Variants in LRP4 observed in about 807,000 individuals in gnomAD.
LRP4 encodes the protein low-density lipoprotein receptor-related protein 4.
LRP4 carries 95 observed loss-of-function variants against 220.3 expected under a neutral mutation model. The observed-to-expected ratio is 0.43, with a 90% CI of 0.37 to 0.51. The LOEUF (loss-of-function observed/expected upper bound fraction) is 0.51, where lower values mean the gene tolerates loss of function less well. LRP4 is among the 20% of genes least tolerant of loss of function. The pLI, the probability that LRP4 is intolerant of heterozygous loss-of-function variation, is 0.00. For missense variants in LRP4, 1,925 were observed against 2,567.0 expected, an observed-to-expected ratio of 0.75 and a Z score of 5.40; for synonymous variants, 903 against 954.6, an observed-to-expected ratio of 0.95 and a Z score of 1.00.
rs1941616066 is a variant in LRP4, at chr11:46,899,393, TCTC to T, written c.538_540del (p.Glu180del). On this transcript the variant is annotated inframe_deletion, in exon 5 of 38. Coordinates refer to ENST00000378623, the MANE Select transcript of LRP4 (RefSeq NM_002334.4). This position sits in a 1 kb window ranked among gnomAD's most constrained non-coding sequence, Gnocchi z 5.9. ...GAGGTCTGGGGCCACTCACGACAGT[TCTC>T]CTCATCGGAGCCATCTTTGCAGTCG... is the stretch of plus-strand genomic sequence containing the variant. 2.5e-6 allele frequency: 4 copies of T among 1,613,066 alleles called. No individual in the cohort carries two copies. Among genetic ancestry groups the T allele is most frequent in the South Asian group, 1.1e-5 (1 of 91,046 alleles).
At chr11:46,895,437 C>T (rs1565796742) in intron 10 of LRP4, 146 bp from the exon 11 acceptor site, 12 of 1,142,762 alleles carry the variant, frequency 1.1e-5, no homozygotes, top group South Asian at 6.3e-5. Flanking sequence ...TAAGGGCGGC[C>T]GGGCGTGGTG....
chr11:46,874,819 C>A lies in LRP4; in HGVS notation c.4210G>T (p.Val1404Leu), dbSNP rs777440860. ...SVDGKVYYTD[V>L]FLDVIRRADL... ...TCATACCTGATAACATCCAGGAACA[C>A]ATCTGTGTAATAGACCTTTCCATCC... The change falls in exon 28 of 38, where the codon GTG (valine) becomes TTG (leucine). Residue 1404 changes from valine (V) to leucine (L), a missense_variant. Around this residue, in one of 3 missense-constraint regions of LRP4, gnomAD observed 1,244 missense variants for 1,624.9 expected, o/e 0.77. Transcript: ENST00000378623. 3.1e-6 allele frequency: 5 copies of A among 1,614,028 alleles called. No homozygotes were observed. Among genetic ancestry groups the A allele is most frequent in the Non-Finnish European group, 4.2e-6 (5 of 1,179,882 alleles).
intron 34 of LRP4, among the ~76,000 whole-genome samples, chr11:46,867,214 T>TTG (rs146563510): frequency 6.8e-4 from 102 of 150,968 alleles, no homozygotes; most frequent in African/African-American, 2.0e-3. Flanking sequence ...ATAATGGTGT[T>TTG]TGTGTGTGTG....
intron 7 of LRP4, among the ~76,000 whole-genome samples, chr11:46,897,342 TTTTTTC>T (rs1565798403): frequency 4.4e-4 from 63 of 142,270 alleles, no homozygotes; most frequent in Admixed American, 3.2e-3. Context: ...GTCTTTTTTT[TTTTTTC>T]TTTTTATTTT....
intron 28 of LRP4, chr11:46,874,240 A>G (rs1940950050): frequency 6.2e-6 from 1 of 162,182 alleles, no homozygotes; most frequent in South Asian, 1.7e-4. Flanking sequence ...ATTCTAATAC[A>G]TCCCTTGGGG....
At position 46,918,289 on chromosome 11, in the gene LRP4, C is replaced by T; in HGVS notation, c.52+39G>A. 6.6e-7 allele frequency: 1 copy of T among 1,506,930 alleles called. No individual in the cohort carries two copies. The allele number at this position is 1,506,930 out of a possible 1,614,324, so 93.3% of individuals were successfully genotyped here. ...CCCGGGAGGCGAGTCCTGCAGCGGCCGGACCCAGGGACAAACTTTCCCGGC... is the reference window on the plus strand; with the variant it reads ...CCCGGGAGGCGAGTCCTGCAGCGGCTGGACCCAGGGACAAACTTTCCCGGC... On this transcript the variant is annotated intron_variant, in intron 1 of 37. Transcript: ENST00000378623. The surrounding 1 kb of genome is among the most constrained non-coding windows in gnomAD (Gnocchi z 6.0).
rs1250053876 is a variant in LRP4 at position 46,879,126 on chromosome 11, C to T, written c.3004G>A (p.Val1002Met). The stretch of plus-strand genomic sequence containing the variant: ...CCAATGCGAGCCAAGGGCTGCTCAC[C>T]TGGGGGCCGGCGGCGGTGGAAGACA... ...IHVFHRRRPPVSTPCAMENGG... is the reference protein window; with the variant it reads ...IHVFHRRRPPMSTPCAMENGG... The change falls in exon 21 of 38, where the codon GTG (valine) becomes ATG (methionine). Residue 1002 changes from valine (V) to methionine (M), a missense_variant and splice_region_variant. By Grantham distance (21) the Val-to-Met change is conservative (BLOSUM62 1). Transcript: ENST00000378623. 1.2e-6 allele frequency: 2 copies of T among 1,614,204 alleles called. No homozygotes were observed. The highest frequency in any genetic ancestry group is 1.7e-6 in the Non-Finnish European group (2 of 1,180,024).
chr11:46,918,300 A>G lies in LRP4; in HGVS notation c.52+28T>C. 6.6e-7 allele frequency: 1 copy of G among 1,509,552 alleles called. No individual in the cohort carries two copies. Among genetic ancestry groups the G allele is most frequent in the Non-Finnish European group, 8.8e-7 (1 of 1,134,878 alleles). The allele number at this position is 1,509,552 out of a possible 1,614,324, so 93.5% of individuals were successfully genotyped here. A position where few individuals can be genotyped will look rare whatever the true frequency, so the allele number is the denominator to read the frequency against. On this transcript the variant is annotated intron_variant, in intron 1 of 37. Transcript: ENST00000378623. This position sits in a 1 kb window ranked among gnomAD's most constrained non-coding sequence, Gnocchi z 6.0. Reference sequence around the variant, plus strand: ...AGTCCTGCAGCGGCCGGACCCAGGGACAAACTTTCCCGGCGGGCGCCGCTT... The same window carrying G: ...AGTCCTGCAGCGGCCGGACCCAGGGGCAAACTTTCCCGGCGGGCGCCGCTT...
chr11:46,893,036 C>T lies in LRP4; in HGVS notation c.1634G>A (p.Arg545Gln), dbSNP rs1415827753. The T allele has an allele frequency of 1.2e-5, 20 of 1,614,072 alleles. No homozygotes were observed. The highest frequency in any genetic ancestry group is 1.6e-5 in the Non-Finnish European group (19 of 1,179,988). Residue 545 changes from arginine (R) to glutamine (Q), a missense_variant, in exon 13 of 38, where the codon CGG becomes CAG. Around this residue, in one of 3 missense-constraint regions of LRP4, gnomAD observed 269 missense variants for 436.7 expected, o/e 0.62. Transcript: ENST00000378623. ...IEVANLDGAH[R>Q]KVLLWQNLEK... ...CAGGTTCTGCCACAGCAACACTTTC[C>T]GGTGGGCCCCATCCAGATTGGCCAC...
chr11:46,866,411 A>G (rs1396987614), intron 34 of LRP4, among the ~76,000 whole-genome samples: 1 of 151,654 alleles, frequency 6.6e-6, no homozygotes, highest in Non-Finnish European at 1.5e-5. Context: ...CCTCCCAAGT[A>G]GCTGGGACTA....
rs762496709 is a variant in LRP4 at position 46,894,819 on chromosome 11, C to T, written c.1310G>A (p.Gly437Glu). 2 of 1,613,714 alleles carry T rather than the reference C, an allele frequency of 1.2e-6. No homozygotes were observed. Among genetic ancestry groups the T allele is most frequent in the South Asian group, 2.2e-5 (2 of 91,070 alleles). ...RPDRRSCKAL[G>E]PEPVLLFANR... Reference sequence around the variant, plus strand: ...GGCGAACAGCAGCACAGGCTCTGGCCCTGGGAAACAGTATAAACATGGGAT... The same window carrying T: ...GGCGAACAGCAGCACAGGCTCTGGCTCTGGGAAACAGTATAAACATGGGAT... The change falls in exon 12 of 38, where the codon GGG becomes GAG. Residue 437 changes from glycine to glutamate, a missense_variant and splice_region_variant. Coordinates refer to ENST00000378623, the MANE Select transcript of LRP4 (RefSeq NM_002334.4).
At chr11:46,868,922 A>C (rs1592515961) in intron 32 of LRP4, 66 bp downstream of exon 32, 3 of 1,606,314 alleles carry the variant, frequency 1.9e-6, no homozygotes, top group Non-Finnish European at 2.6e-6. Flanking sequence ...GGTCCCTAAC[A>C]GTCCTTGGGT....
chr11:46,896,116 G>A, intron 9 of LRP4, 94 bp downstream of exon 9: 1 of 1,611,030 alleles, frequency 6.2e-7, no homozygotes, highest in Non-Finnish European at 8.5e-7. Context: ...AGCTCCCAAA[G>A]CTGCAAGAGT....
Position 46,871,572 on chromosome 11 carries a change from G to T in LRP4, c.4645C>A (p.Arg1549=). The change falls in exon 31 of 38, where the codon CGG becomes AGG. Residue 1549 remains arginine (R), a synonymous_variant. Coordinates refer to ENST00000378623, the MANE Select transcript of LRP4 (RefSeq NM_002334.4). ...GACACATGGCTGACCAAGACCTGCC[G>T]CAGTTTCCCATTGAGGTCAGCACTC... ...IESADLNGKL[R]QVLVSHVSHP... The T allele has an allele frequency of 6.2e-7, 1 of 1,613,450 alleles. No homozygotes were observed. Among genetic ancestry groups the T allele is most frequent in the Non-Finnish European group, 8.5e-7 (1 of 1,179,724 alleles).
intron 1 of LRP4, among the ~76,000 whole-genome samples, chr11:46,915,377 C>T (rs1355481816): frequency 6.6e-6 from 1 of 152,206 alleles, no homozygotes; most frequent in South Asian, 2.1e-4. Flanking sequence ...CAATGGTTGT[C>T]ATCCATGCCC....
intron 16 of LRP4, among the ~76,000 whole-genome samples, chr11:46,886,911 A>G (rs1941306748): frequency 6.6e-6 from 1 of 152,076 alleles, no homozygotes; most frequent in African/African-American, 2.4e-5. Context: ...CCTCCACTCC[A>G]TCACCTGGAT....
At chr11:46,903,046 A>G in intron 1 of LRP4, 117 bp from the exon 2 acceptor site, 1 of 1,247,592 alleles carries the variant, frequency 8.0e-7, no homozygotes. Context: ...AGTCACAGTG[A>G]CACTTCAAGG....
chr11:46,877,113 G>T, intron 23 of LRP4, 86 bp downstream of exon 23: 1 of 1,485,058 alleles, frequency 6.7e-7, no homozygotes, highest in Non-Finnish European at 9.4e-7. Flanking sequence ...GCTCTTGGCA[G>T]GAGACAAAGG....
In LRP4 at chr11:46,877,088, G is replaced by A. The variant is rs577411174; in HGVS notation, c.3277+111C>T. The A allele has an allele frequency of 2.4e-5, 31 of 1,287,182 alleles. No individual in the cohort carries two copies. In the East Asian group the frequency reaches 6.9e-4, roughly 29 times the overall value. 79.7% of individuals were successfully genotyped at this position (1,287,182 alleles called of 1,614,324 possible). A position where few individuals can be genotyped will look rare whatever the true frequency, so the allele number is the denominator to read the frequency against. On this transcript the variant is annotated intron_variant, in intron 23 of 37. Coordinates refer to ENST00000378623, the MANE Select transcript of LRP4 (RefSeq NM_002334.4). ...ACAGGGGCTATGCCAGAGGGAATGGGGAACAAACACCCTGGCTCTTGGCAG... is the reference window on the plus strand; with the variant it reads ...ACAGGGGCTATGCCAGAGGGAATGGAGAACAAACACCCTGGCTCTTGGCAG...
Sources: gnomAD v4.1 joint callset for allele counts (sites outside exome capture counted in the v4.1 genomes callset) on GRCh38, gnomAD v4.1.1 for gene constraint, gnomAD v4.1.1 regional missense constraint, Gnocchi (gnomAD v3.1) non-coding constraint, MANE v1.5 for transcripts, NCBI Gene and HGNC (gene_info 2026-07-23, HGNC 2026-07-21) for gene names.